Variants in ERBIN observed in about 807,000 individuals in gnomAD.
The protein encoded by ERBIN is densin-180-like protein.
In ERBIN, 60 loss-of-function variants were observed where a neutral mutation model predicts 158.4. The ratio of observed to expected loss-of-function variants is 0.38; its 90% CI spans 0.31 to 0.47. ERBIN has a LOEUF of 0.47. Among genes scored for constraint, ERBIN ranks in the 20% least tolerant of loss-of-function variants. The pLI, the probability that ERBIN is intolerant of heterozygous loss-of-function variation, is 0.99. For synonymous variants in ERBIN, 594 were observed against 557.2 expected (o/e 1.07, Z -0.93); for missense variants, 1,610 against 1,648.0 (o/e 0.98, Z 0.40).
chr5:66,008,178 A>G (rs1469940049), intron 4 of ERBIN, among the ~76,000 whole-genome samples: 2 of 152,160 alleles, frequency 1.3e-5, no homozygotes. Flanking sequence ...CAACACTGGG[A>G]GGCTGAGGTG....
chr5:65,961,133 T>A (rs1014994540), intron 1 of ERBIN: 1 of 152,234 alleles, frequency 6.6e-6, no homozygotes, highest in Non-Finnish European at 1.5e-5. Flanking sequence ...TGTGTAATTC[T>A]GAAATTCAGA....
intron 14 of ERBIN, among the ~76,000 whole-genome samples, chr5:66,030,009 A>G (rs971476259): frequency 6.6e-6 from 1 of 152,104 alleles, no homozygotes. Context: ...AGGAAATATT[A>G]AAATGATACA....
chr5:66,074,876 T>C, intron 22 of ERBIN, 148 bp from the exon 23 acceptor site: 1 of 671,710 alleles, frequency 1.5e-6, no homozygotes, highest in East Asian at 2.8e-5. Context: ...GTTTTAAAAT[T>C]ATAGAAAAAT....
At chr5:66,015,136 G>A (rs186299495) in intron 7 of ERBIN, among the ~76,000 whole-genome samples, 2 of 152,128 alleles carry the variant, frequency 1.3e-5, no homozygotes, top group Non-Finnish European at 2.9e-5. Flanking sequence ...GCTATGTAGT[G>A]TATTGTAAAT....
Position 66,074,084 on chromosome 5 carries a change from C to G in ERBIN, c.3757-940C>G, listed in dbSNP as rs1184466920. 5.1e-5 allele frequency among the ~76,000 whole-genome samples: 5 copies of G among 97,574 alleles called. No homozygotes were observed. The Admixed American group carries it at 6.8e-4, about 13-fold the overall frequency. 64.0% of individuals were successfully genotyped at this position (97,574 alleles called of 152,430 possible). A position where few individuals can be genotyped will look rare whatever the true frequency, so the allele number is the denominator to read the frequency against. On this transcript the variant is annotated intron_variant, in intron 22 of 25. Coordinates refer to ENST00000284037, the MANE Select transcript of ERBIN (RefSeq NM_001253697.2). ...TTTTTTTTTTTTTTAGAGATGGGGT[C>G]TTGCTGTTTTGCCCAGGCTGATCTT...
chr5:66,037,339 A>G (rs1352404831), intron 14 of ERBIN, among the ~76,000 whole-genome samples: 1 of 152,060 alleles, frequency 6.6e-6, no homozygotes, highest in African/African-American at 2.4e-5. Context: ...AGGAATTTAA[A>G]TCTGAGGATA....
At chr5:66,003,482 T>C (rs1374820383) in intron 4 of ERBIN, among the ~76,000 whole-genome samples, 1 of 152,196 alleles carries the variant, frequency 6.6e-6, no homozygotes, top group East Asian at 1.9e-4. Flanking sequence ...CTTAATGTTA[T>C]CTATAGAGAA....
chr5:65,947,733 G>A (rs1745947786), intron 1 of ERBIN, among the ~76,000 whole-genome samples: 1 of 152,106 alleles, frequency 6.6e-6, no homozygotes, highest in South Asian at 2.1e-4. Flanking sequence ...TAAGCTGGAT[G>A]TGGTGGCTCA....
At chr5:65,943,284 C>T (rs761128177) in intron 1 of ERBIN, among the ~76,000 whole-genome samples, 2 of 152,206 alleles carry the variant, frequency 1.3e-5, no homozygotes, top group African/African-American at 2.4e-5. Context: ...ACTCTCTAAT[C>T]AGGCACTTGC....
intron 3 of ERBIN, 33 bp downstream of exon 3, chr5:65,992,940 T>C (rs1050690480): frequency 2.1e-6 from 3 of 1,444,660 alleles, no homozygotes; most frequent in African/African-American, 2.9e-5. Context: ...GAATTATCTT[T>C]GGTTATTTTT....
rs77647627 is a variant in ERBIN at position 66,073,474 on chromosome 5, A to G, written c.3756+1183A>G. On this transcript the variant is annotated intron_variant, in intron 22 of 25. Transcript: ENST00000284037. ...CTCTCCAACCAATATAAGATTTGTC[A>G]GTAACATCCTTGTGTCCTATCACAG... Among the ~76,000 whole-genome samples, 780 of 152,296 alleles carry G rather than the reference A, an allele frequency of 5.1e-3. 2 individuals carry two copies. Among genetic ancestry groups the G allele is most frequent in the Non-Finnish European group, 7.7e-3 (521 of 68,018 alleles).
chr5:65,956,188 G>A (rs1747098608), intron 1 of ERBIN, among the ~76,000 whole-genome samples: 1 of 152,114 alleles, frequency 6.6e-6, no homozygotes, highest in Non-Finnish European at 1.5e-5. Flanking sequence ...GTGGTAGAGT[G>A]TCTACTGCAT....
At chr5:66,071,047 T>C (rs563337720) in intron 21 of ERBIN, among the ~76,000 whole-genome samples, 11 of 152,308 alleles carry the variant, frequency 7.2e-5, no homozygotes, top group Admixed American at 2.0e-4. Context: ...CTTCCTGGCA[T>C]ATTTATAATA....
intron 14 of ERBIN, among the ~76,000 whole-genome samples, chr5:66,030,132 G>A (rs566823576): frequency 2.0e-5 from 3 of 152,044 alleles, no homozygotes; most frequent in East Asian, 1.9e-4. Flanking sequence ...CTGTGCCCCC[G>A]GGCTCAAGCA....
At chr5:66,034,092 G>A (rs1215989723) in intron 14 of ERBIN, among the ~76,000 whole-genome samples, 2 of 148,726 alleles carry the variant, frequency 1.3e-5, no homozygotes, top group Non-Finnish European at 3.0e-5. Context: ...CTGTAGCCTG[G>A]GTGACAGAGC....
chr5:66,054,661 A>G lies in ERBIN; in HGVS notation c.3343A>G (p.Arg1115Gly). Residue 1115 changes from arginine to glycine, a missense_variant, in exon 21 of 26, where the codon AGA becomes GGA. Coordinates refer to ENST00000284037, the MANE Select transcript of ERBIN (RefSeq NM_001253697.2). The part of the protein sequence containing the change: ...LSYREFHSAG[R>G]TPPMMPGSQR... ...ATACAGAGAGTTCCACTCAGCGGGA[A>G]GAACTCCTCCAATGATGCCAGGATC... 1.9e-6 allele frequency: 3 copies of G among 1,614,172 alleles called. No homozygotes were observed. The highest frequency in any genetic ancestry group is 2.5e-6 in the Non-Finnish European group (3 of 1,180,012).
chr5:65,964,199 A>G (rs1434486632), intron 1 of ERBIN, among the ~76,000 whole-genome samples: 1 of 152,250 alleles, frequency 6.6e-6, no homozygotes, highest in African/African-American at 2.4e-5. Context: ...TTGAGGCCTG[A>G]AATATAACTA....
At chr5:65,945,912 C>T (rs1293895982) in intron 1 of ERBIN, among the ~76,000 whole-genome samples, 1 of 152,178 alleles carries the variant, frequency 6.6e-6, no homozygotes, top group Non-Finnish European at 1.5e-5. Flanking sequence ...AATTTCACAA[C>T]CAGGATATTG....
rs115167907 is a variant in ERBIN at position 65,986,042 on chromosome 5, A to T, written c.-57-2593A>T. 3.7e-3 allele frequency among the ~76,000 whole-genome samples: 556 copies of T among 151,846 alleles called. 3 individuals are homozygous for T. Among genetic ancestry groups the T allele is most frequent in the Non-Finnish European group, 6.7e-3 (457 of 67,980 alleles). On this transcript the variant is annotated intron_variant, in intron 1 of 25. Coordinates refer to ENST00000284037, the MANE Select transcript of ERBIN (RefSeq NM_001253697.2). ...CTTCAGTGTCCTTTGCTGGTCATCT[A>T]TAATGTTTTGGGGCTCAGCCATTGA...
Sources: allele counts gnomAD v4.1 joint callset (sites outside exome capture counted in the v4.1 genomes callset), GRCh38; gene constraint gnomAD v4.1.1; transcripts MANE v1.5; gene names NCBI Gene and HGNC (gene_info 2026-07-23, HGNC 2026-07-21).